Variants in TTC21B observed in about 807,000 individuals in gnomAD.
TTC21B encodes the protein tetratricopeptide repeat protein 21B.
In TTC21B, 127 loss-of-function variants were observed where a neutral mutation model predicts 175.1. The ratio of observed to expected loss-of-function variants is 0.73; its 90% CI spans 0.63 to 0.84. TTC21B has a LOEUF of 0.84. TTC21B is among the 40% of genes least tolerant of loss of function. The pLI is 0.00. For missense variants in TTC21B, 1,561 were observed against 1,558.3 expected (o/e 1.00, Z -0.03); for synonymous variants, 524 against 524.5 (o/e 1.00, Z 0.01).
chr2:165,948,023 T>C (rs532244979), intron 3 of TTC21B: 1 of 152,312 alleles, frequency 6.6e-6, no homozygotes, highest in South Asian at 2.1e-4. Context: ...CCATGAAAAT[T>C]TTCTGCTCTA....
intron 18 of TTC21B, among the ~76,000 whole-genome samples, chr2:165,910,976 T>C (rs1685912679): frequency 2.0e-5 from 3 of 152,190 alleles, no homozygotes; most frequent in African/African-American, 7.2e-5. Flanking sequence ...TTATGCATTA[T>C]ATTCTTTTAT....
chr2:165,921,011 G>C (rs1192998807), intron 12 of TTC21B, among the ~76,000 whole-genome samples: 1 of 152,166 alleles, frequency 6.6e-6, no homozygotes, highest in Admixed American at 6.5e-5. Context: ...CCTGGAAGGA[G>C]ACTCTAACTC....
chr2:165,894,116 A>C (rs1302377180), intron 22 of TTC21B, among the ~76,000 whole-genome samples: 1 of 152,120 alleles, frequency 6.6e-6, no homozygotes, highest in Non-Finnish European at 1.5e-5. Context: ...AGAGGTGATA[A>C]GGGTCTTCAT....
chr2:165,906,559 A>C (rs959395250), intron 19 of TTC21B, among the ~76,000 whole-genome samples: 1 of 152,158 alleles, frequency 6.6e-6, no homozygotes, highest in Non-Finnish European at 1.5e-5. Flanking sequence ...AATTGATATA[A>C]GAAACAATTT....
intron 25 of TTC21B, among the ~76,000 whole-genome samples, chr2:165,887,467 T>A (rs1685041096): frequency 6.6e-6 from 1 of 151,944 alleles, no homozygotes; most frequent in Non-Finnish European, 1.5e-5. Flanking sequence ...GATAGGCGGA[T>A]CACCTGAGTC....
intron 19 of TTC21B, among the ~76,000 whole-genome samples, chr2:165,904,647 CCAGCTGTATAATCTTGGA>C (rs573921644): frequency 1.1e-3 from 175 of 152,286 alleles, no homozygotes; most frequent in African/African-American, 4.0e-3. Context: ...CTTCTAGTAA[CCAGCTGTATAATCTTGGA>C]CAAACACTCT....
At position 165,936,464 on chromosome 2, in the gene TTC21B, C is replaced by G. The variant is rs565024338; in HGVS notation, c.711-3407G>C. ...TGAAAGAAAGAGTTGATAAGCTGGA[C>G]TTCATTAAAATTAAAAATTTCTGCT... is the stretch of plus-strand genomic sequence containing the variant. On this transcript the variant is annotated intron_variant, in intron 6 of 28. Transcript: ENST00000243344. Among the ~76,000 whole-genome samples the G allele has an allele frequency of 1.1e-4, 17 of 152,076 alleles. No individual in the cohort carries two copies. In the South Asian group the frequency reaches 3.5e-3, roughly 32 times the overall value.
intron 27 of TTC21B, 61 bp downstream of exon 27, chr2:165,880,618 T>C (rs781580297): frequency 4.9e-5 from 77 of 1,579,528 alleles, no homozygotes; most frequent in Non-Finnish European, 6.3e-5. Context: ...TGCATTTAAA[T>C]GAAAATTAAT....
chr2:165,902,883 A>G (rs988281352), intron 19 of TTC21B, among the ~76,000 whole-genome samples: 9 of 152,236 alleles, frequency 5.9e-5, no homozygotes, highest in Non-Finnish European at 1.0e-4. Context: ...GTCCTCTGAC[A>G]TCACTTAGCC....
chr2:165,884,251 T>C (rs1490730390), intron 25 of TTC21B, among the ~76,000 whole-genome samples: 1 of 152,218 alleles, frequency 6.6e-6, no homozygotes, highest in African/African-American at 2.4e-5. Flanking sequence ...ATGACAACTA[T>C]TCAGATGCCA....
chr2:165,900,167 T>C (rs757938576), intron 20 of TTC21B, among the ~76,000 whole-genome samples: 13 of 152,090 alleles, frequency 8.5e-5, no homozygotes, highest in Non-Finnish European at 1.6e-4. Context: ...GACTGGATTA[T>C]AGTCCCATAA....
chr2:165,930,044 G>T, intron 9 of TTC21B, 128 bp downstream of exon 9: 1 of 817,686 alleles, frequency 1.2e-6, no homozygotes, highest in Non-Finnish European at 1.9e-6. Flanking sequence ...ACTTTTTCGA[G>T]TGTGGGCAGT....
At position 165,879,169 on chromosome 2, in the gene TTC21B, T is replaced by C. The variant is rs564194875; in HGVS notation, c.3805+1510A>G. ...GGAACTGATAAAATAATCTATAAAATACAATGATGACACAATGAAAGAACT... is the reference window on the plus strand; with the variant it reads ...GGAACTGATAAAATAATCTATAAAACACAATGATGACACAATGAAAGAACT... On this transcript the variant is annotated intron_variant, in intron 27 of 28. Transcript: ENST00000243344. Among the ~76,000 whole-genome samples the C allele has an allele frequency of 5.3e-5, 8 of 152,258 alleles. 1 individual carries two copies. Among genetic ancestry groups the C allele is most frequent in the Admixed American group, 3.9e-4 (6 of 15,294 alleles).
At chr2:165,920,465 A>C (rs960081753) in intron 12 of TTC21B, among the ~76,000 whole-genome samples, 1 of 152,198 alleles carries the variant, frequency 6.6e-6, no homozygotes, top group African/African-American at 2.4e-5. Context: ...CATAATTAAC[A>C]AGGTTAGATT....
chr2:165,913,638 G>C lies in TTC21B; in HGVS notation c.2147C>G (p.Ala716Gly). 2 of 1,612,336 alleles carry C rather than the reference G, an allele frequency of 1.2e-6. No homozygotes were observed. The highest frequency in any genetic ancestry group is 8.5e-7 in the Non-Finnish European group (1 of 1,178,648). The change falls in exon 16 of 29, where the codon GCT becomes GGT. Residue 716 changes from alanine to glycine, a missense_variant. Ala to Gly is a moderately conservative substitution (Grantham distance 60). Transcript: ENST00000243344. ...AGACCGAGGGTTAGCCATTCTTTCAGCAATTTCTCTGGAAATCAGACCAAC... is the reference window on the plus strand; with the variant it reads ...AGACCGAGGGTTAGCCATTCTTTCACCAATTTCTCTGGAAATCAGACCAAC... ...MLYITCFREI[A>G]ERMANPRSFL...
chr2:165,874,676 A>C lies in TTC21B; in HGVS notation c.*79T>G, dbSNP rs547743051. Reference sequence around the variant, plus strand: ...TTCTAATAACAAAGCACTGAGCTCAAACCTGTTTTGAACAGGAAGAACTGA... The same window carrying C: ...TTCTAATAACAAAGCACTGAGCTCACACCTGTTTTGAACAGGAAGAACTGA... On this transcript the variant is annotated 3_prime_UTR_variant, in exon 29 of 29. Coordinates refer to ENST00000243344, the MANE Select transcript of TTC21B (RefSeq NM_024753.5). 10 of 1,351,642 alleles carry C rather than the reference A, an allele frequency of 7.4e-6. No homozygotes were observed. The African/African-American group carries it at 1.3e-4, about 17-fold the overall frequency. 83.7% of individuals were successfully genotyped at this position (1,351,642 alleles called of 1,614,324 possible). A position where few individuals can be genotyped will look rare whatever the true frequency, so the allele number is the denominator to read the frequency against.
rs116031802 is a variant in TTC21B at position 165,953,520 on chromosome 2, G to A, written c.21+165C>T. ...AGCAGGGCCCGCGGAGACCGGCCGT[G>A]AGCAGAGGCTGCAGGCCCACCCCGC... On this transcript the variant is annotated intron_variant, in intron 1 of 28. Transcript: ENST00000243344. 9.2e-3 allele frequency among the ~76,000 whole-genome samples: 1,397 copies of A among 152,332 alleles called. 26 individuals carry two copies. Among genetic ancestry groups the A allele is most frequent in the African/African-American group, 0.032 (1,339 of 41,580 alleles).
At chr2:165,907,841 T>C (rs1574089732) in intron 18 of TTC21B, 57 bp from the exon 19 acceptor site, 2 of 1,266,610 alleles carry the variant, frequency 1.6e-6, no homozygotes, top group East Asian at 2.5e-5. Context: ...AATGTTTATA[T>C]TTTTCCAGAA....
rs1460181291 is a variant in TTC21B, at chr2:165,927,044, G to C, written c.1386+2091C>G. The stretch of plus-strand genomic sequence containing the variant: ...TCCTAGTAGTTATATATATATATAT[G>C]TGTATATATATATATCCTAGTAGAT... On this transcript the variant is annotated intron_variant, in intron 11 of 28. Transcript: ENST00000243344. Among the ~76,000 whole-genome samples the C allele has an allele frequency of 6.8e-5, 6 of 88,458 alleles. 1 individual carries two copies. The highest frequency in any genetic ancestry group is 2.9e-4 in the East Asian group (1 of 3,466). 58.0% of individuals were successfully genotyped at this position (88,458 alleles called of 152,430 possible).
Sources: gnomAD v4.1 joint callset for allele counts (sites outside exome capture counted in the v4.1 genomes callset) on GRCh38, gnomAD v4.1.1 for gene constraint, MANE v1.5 for transcripts, NCBI Gene and HGNC (gene_info 2026-07-23, HGNC 2026-07-21) for gene names.